The following TANC1 variants were observed in gnomAD, a reference collection of about 807,000 sequenced individuals.
TANC1 encodes the protein tetratricopeptide repeat, ankyrin repeat and coiled-coil containing 1.
A neutral mutation model predicts 149.7 loss-of-function variants in TANC1; 77 were observed. That is an observed-to-expected ratio of 0.51 (90% CI 0.43 to 0.62). The LOEUF (loss-of-function observed/expected upper bound fraction) is 0.62. TANC1 is among the 20% of genes least tolerant of loss of function. TANC1 has a pLI of 0.00. For synonymous variants in TANC1, 854 were observed against 925.0 expected, an observed-to-expected ratio of 0.92 and a Z score of 1.39; for missense variants, 1,985 against 2,321.8, an observed-to-expected ratio of 0.85 and a Z score of 2.98.
At chr2:159,178,345 C>T (rs1238234581) in intron 13 of TANC1, among the ~76,000 whole-genome samples, 2 of 152,210 alleles carry the variant, frequency 1.3e-5, no homozygotes, top group Non-Finnish European at 2.9e-5. Context: ...CAGGATAGCA[C>T]TTACTGATTC....
intron 1 of TANC1, among the ~76,000 whole-genome samples, chr2:158,998,096 G>A (rs972065605): frequency 5.3e-5 from 8 of 151,970 alleles, no homozygotes; most frequent in Admixed American, 1.3e-4. Context: ...CCATGTCTAC[G>A]AAAAATAAAA....
At chr2:159,175,243 G>A in intron 12 of TANC1, 59 bp downstream of exon 12, 1 of 1,423,946 alleles carries the variant, frequency 7.0e-7, no homozygotes. Context: ...GACACAGGTG[G>A]TCCCCAGAAG....
rs370609885 is a variant in TANC1 at position 158,972,171 on chromosome 2, C to G, written c.-126+3389C>G. 9.0e-4 allele frequency among the ~76,000 whole-genome samples: 137 copies of G among 152,300 alleles called. 1 individual carries two copies. In the South Asian group the frequency reaches 0.018, roughly 21 times the overall value. Reference sequence around the variant, plus strand: ...AACTTCTTTTTTATTAAGTAGGCTTCAGGGTGTAATGTGATTTATAATCCG... The same window carrying G: ...AACTTCTTTTTTATTAAGTAGGCTTGAGGGTGTAATGTGATTTATAATCCG... On this transcript the variant is annotated intron_variant, in intron 1 of 26. Transcript: ENST00000263635.
Position 159,097,672 on chromosome 2 carries a change from C to A in TANC1, c.97C>A (p.His33Asn), listed in dbSNP as rs1279331335. ...TGGTCCAGAGACTTCTCCAGTCCTG[C>A]ACCTTGACCACAGTGCTGACTCTCC... is the stretch of plus-strand genomic sequence containing the variant. ...DFGPETSPVL[H>N]LDHSADSPVS... Residue 33 changes from histidine to asparagine, a missense_variant, in exon 4 of 27, where the codon CAC becomes AAC. By Grantham distance (68) the His-to-Asn change is moderately conservative. Coordinates refer to ENST00000263635, the MANE Select transcript of TANC1 (RefSeq NM_033394.3). 2.5e-6 allele frequency: 4 copies of A among 1,614,164 alleles called. No individual in the cohort carries two copies. Among genetic ancestry groups the A allele is most frequent in the Non-Finnish European group, 1.7e-6 (2 of 1,180,018 alleles).
chr2:158,981,468 G>A (rs1458634897), intron 1 of TANC1, among the ~76,000 whole-genome samples: 1 of 115,512 alleles, frequency 8.7e-6, no homozygotes, highest in South Asian at 2.9e-4. Context: ...TCTTTAAAAA[G>A]TTTAGCAATT....
intron 19 of TANC1, among the ~76,000 whole-genome samples, chr2:159,208,220 GATTAATATT>G (rs936474446): frequency 9.2e-5 from 14 of 152,164 alleles, no homozygotes; most frequent in African/African-American, 3.4e-4. Context: ...GTGATAAGTT[GATTAATATT>G]ATTAATATAA....
chr2:159,018,121 C>T (rs1233025676), intron 2 of TANC1, among the ~76,000 whole-genome samples: 1 of 152,104 alleles, frequency 6.6e-6, no homozygotes, highest in Non-Finnish European at 1.5e-5. Context: ...ATTTTTAATA[C>T]TGGTTGAGAG....
At chr2:159,175,207 A>T (rs1288638663) in intron 12 of TANC1, 23 bp downstream of exon 12, 1 of 1,590,742 alleles carries the variant, frequency 6.3e-7, no homozygotes, top group Admixed American at 1.7e-5. Context: ...AGCTACCCAC[A>T]GCCCCATCTC....
At chr2:159,145,715 C>T (rs2051996886) in intron 5 of TANC1, among the ~76,000 whole-genome samples, 1 of 152,176 alleles carries the variant, frequency 6.6e-6, no homozygotes, top group African/African-American at 2.4e-5. Context: ...TCAAGAACTT[C>T]CCTTTACCTT....
In TANC1 at chr2:159,229,900, CAAG is replaced by C. The variant is rs781078710; in HGVS notation, c.4478_4480del (p.Glu1493del). ...CCCTTCCTCATACATCCGAAACCTT[CAAG>C]AAGGGTTACAGTCCAAAGGAAGGCC... On this transcript the variant is annotated inframe_deletion, in exon 27 of 27. Coordinates refer to ENST00000263635, the MANE Select transcript of TANC1 (RefSeq NM_033394.3). The C allele has an allele frequency of 6.2e-7, 1 of 1,614,084 alleles. No homozygotes were observed. The highest frequency in any genetic ancestry group is 1.7e-5 in the Admixed American group (1 of 60,028).
intron 16 of TANC1, among the ~76,000 whole-genome samples, chr2:159,190,289 G>A (rs1402078179): frequency 6.6e-6 from 1 of 152,164 alleles, no homozygotes; most frequent in Non-Finnish European, 1.5e-5. Context: ...TGGGGTTGAT[G>A]GGGGAGGACA....
chr2:158,978,660 A>T (rs1559092810), intron 1 of TANC1, among the ~76,000 whole-genome samples: 1 of 152,174 alleles, frequency 6.6e-6, no homozygotes, highest in Non-Finnish European at 1.5e-5. Flanking sequence ...CCAGGGTAGG[A>T]TCTGGCCTGA....
chr2:159,075,981 T>C (rs1481006459), intron 3 of TANC1, among the ~76,000 whole-genome samples: 1 of 152,216 alleles, frequency 6.6e-6, no homozygotes, highest in East Asian at 1.9e-4. Flanking sequence ...GGGGTATTTG[T>C]GGGTTTTAGT....
At chr2:159,171,287 C>G (rs1306930805) in intron 10 of TANC1, among the ~76,000 whole-genome samples, 1 of 152,108 alleles carries the variant, frequency 6.6e-6, no homozygotes, top group African/African-American at 2.4e-5. Flanking sequence ...TGCAATAAAC[C>G]CACTCTAAAC....
intron 4 of TANC1, among the ~76,000 whole-genome samples, chr2:159,123,768 G>T (rs548727638): frequency 6.6e-6 from 1 of 152,264 alleles, no homozygotes; most frequent in East Asian, 1.9e-4. Context: ...ACACTGTAAA[G>T]AAGCTAAACA....
At chr2:159,090,168 T>C (rs146590973) in intron 3 of TANC1, among the ~76,000 whole-genome samples, 1 of 152,336 alleles carries the variant, frequency 6.6e-6, no homozygotes, top group African/African-American at 2.4e-5. Context: ...TCCATGCATG[T>C]ACAAGTGTCC....
chr2:159,039,253 G>T (rs1231400142), intron 2 of TANC1, among the ~76,000 whole-genome samples: 1 of 151,918 alleles, frequency 6.6e-6, no homozygotes, highest in East Asian at 1.9e-4. Context: ...TATTAGTCTT[G>T]CTAGCGGTCT....
chr2:159,140,900 A>C (rs1401845260), intron 5 of TANC1, among the ~76,000 whole-genome samples: 2 of 152,068 alleles, frequency 1.3e-5, no homozygotes, highest in East Asian at 3.9e-4. Flanking sequence ...CATGTTAGCC[A>C]AGCTGGTCTC....
At chr2:159,044,228 C>T (rs1190495156) in intron 2 of TANC1, among the ~76,000 whole-genome samples, 1 of 152,140 alleles carries the variant, frequency 6.6e-6, no homozygotes, top group Non-Finnish European at 1.5e-5. Context: ...TCACTTGAGA[C>T]CAGCCTGGGC....
Sources: allele counts gnomAD v4.1 joint callset (sites outside exome capture counted in the v4.1 genomes callset), GRCh38; gene constraint gnomAD v4.1.1; transcripts MANE v1.5; gene names NCBI Gene and HGNC (gene_info 2026-07-23, HGNC 2026-07-21).